SYCP2L: variants seen among roughly 807,000 people sequenced by gnomAD.
SYCP2L encodes synaptonemal complex protein 2-like.
Under a neutral mutation model 125.8 loss-of-function variants are expected in SYCP2L, and 98 were observed. That is an observed-to-expected ratio of 0.78 (90% confidence interval 0.66 to 0.92). The LOEUF (loss-of-function observed/expected upper bound fraction) is 0.92, where lower values mean the gene tolerates loss of function less well. Ranked by LOEUF, SYCP2L falls within the 40% of genes least tolerant of loss-of-function variation. The pLI is 0.00. For synonymous variants in SYCP2L, 317 were observed against 325.4 expected, an observed-to-expected ratio of 0.97 and a Z score of 0.28; for missense variants, 842 against 936.4, an observed-to-expected ratio of 0.90 and a Z score of 1.32.
At chr6:10,962,291 T>G (rs946931283) in intron 28 of SYCP2L, among the ~76,000 whole-genome samples, 6 of 151,222 alleles carry the variant, frequency 4.0e-5, no homozygotes. Flanking sequence ...TATATTCCTA[T>G]GCATATATTC....
chr6:10,911,988 G>A (rs1385114688), intron 12 of SYCP2L, among the ~76,000 whole-genome samples: 6 of 125,744 alleles, frequency 4.8e-5, no homozygotes, highest in East Asian at 5.0e-4. Flanking sequence ...TGCCAACTCC[G>A]CCTCCCGGGT....
chr6:10,923,877 G>C (rs540161186), intron 14 of SYCP2L, among the ~76,000 whole-genome samples: 16 of 151,110 alleles, frequency 1.1e-4, no homozygotes, highest in African/African-American at 3.9e-4. Context: ...GCAGAGACAG[G>C]GTTTCACCGT....
At chr6:10,920,647 G>T (rs559406166) in intron 14 of SYCP2L, among the ~76,000 whole-genome samples, 1 of 152,084 alleles carries the variant, frequency 6.6e-6, no homozygotes, top group Non-Finnish European at 1.5e-5. Context: ...AAGTTCATGG[G>T]TACATGTGCA....
intron 14 of SYCP2L, among the ~76,000 whole-genome samples, chr6:10,919,382 G>A (rs556526004): frequency 6.6e-6 from 1 of 151,956 alleles, no homozygotes; most frequent in Non-Finnish European, 1.5e-5. Context: ...ACTAGGCTCC[G>A]GGCTGGTACT....
intron 29 of SYCP2L, among the ~76,000 whole-genome samples, chr6:10,964,340 T>C (rs1303755156): frequency 6.6e-6 from 1 of 152,178 alleles, no homozygotes; most frequent in East Asian, 1.9e-4. Flanking sequence ...TGTTTATAAC[T>C]GAATGCTTAC....
intron 18 of SYCP2L, among the ~76,000 whole-genome samples, 190 bp downstream of exon 18, chr6:10,928,640 G>A (rs1780939372): frequency 6.6e-6 from 1 of 152,232 alleles, no homozygotes; most frequent in Non-Finnish European, 1.5e-5. Flanking sequence ...CCAGGCTCAT[G>A]TGATCCTCCC....
At chr6:10,951,447 C>T (rs925672688) in intron 23 of SYCP2L, among the ~76,000 whole-genome samples, 14 of 152,026 alleles carry the variant, frequency 9.2e-5, no homozygotes, top group African/African-American at 3.4e-4. Flanking sequence ...AAAAGAAAAC[C>T]CAACATTTAA....
chr6:10,926,281 A>ATTTT, intron 15 of SYCP2L, 58 bp from the exon 16 acceptor site: 1 of 995,874 alleles, frequency 1.0e-6, no homozygotes, highest in Non-Finnish European at 1.4e-6. Context: ...TTTTCCTTAA[A>ATTTT]TTTTTTTTTT....
At chr6:10,958,653 A>G in intron 25 of SYCP2L, 131 bp from the exon 26 acceptor site, 1 of 788,208 alleles carries the variant, frequency 1.3e-6, no homozygotes, top group South Asian at 1.8e-5. Context: ...ATGCCTGATC[A>G]CACTTGCTTA....
intron 20 of SYCP2L, among the ~76,000 whole-genome samples, 191 bp from the exon 21 acceptor site, chr6:10,934,867 A>G (rs1013903417): frequency 6.6e-6 from 1 of 152,172 alleles, no homozygotes; most frequent in Non-Finnish European, 1.5e-5. Context: ...ATTCAGTACC[A>G]TGGCATTAAG....
intron 28 of SYCP2L, among the ~76,000 whole-genome samples, chr6:10,962,121 C>T (rs552882726): frequency 3.8e-4 from 58 of 152,130 alleles, no homozygotes; most frequent in African/African-American, 1.4e-3. Context: ...TTCTGCCCTG[C>T]GGGAAAATTC....
At chr6:10,905,553 A>G (rs144773780) in intron 8 of SYCP2L, among the ~76,000 whole-genome samples, 1 of 152,116 alleles carries the variant, frequency 6.6e-6, no homozygotes, top group Non-Finnish European at 1.5e-5. Context: ...CGGCCTCCCA[A>G]ACTGCTGGGA....
chr6:10,958,392 C>CA (rs1781541398), intron 25 of SYCP2L, among the ~76,000 whole-genome samples: 1 of 152,066 alleles, frequency 6.6e-6, no homozygotes, highest in Non-Finnish European at 1.5e-5. Flanking sequence ...AGGTGCCACA[C>CA]ACTTTCAAAC....
chr6:10,949,401 A>G (rs963226500), intron 23 of SYCP2L, among the ~76,000 whole-genome samples: 4 of 152,210 alleles, frequency 2.6e-5, no homozygotes, highest in Non-Finnish European at 1.5e-5. Flanking sequence ...GTTTCCAAGC[A>G]TATGGGATAC....
intron 21 of SYCP2L, among the ~76,000 whole-genome samples, chr6:10,938,483 C>T (rs1781147137): frequency 6.6e-6 from 1 of 152,134 alleles, no homozygotes; most frequent in African/African-American, 2.4e-5. Flanking sequence ...AGCTTTTCCT[C>T]TAAGATCAGG....
chr6:10,891,608 TCTCTC>T lies in SYCP2L; in HGVS notation c.78+28_78+32del. Reference sequence around the variant, plus strand: ...TAAAGATCAAGTTTCTTTTATAATCTCTCTCTGTGTGTGTGTGTGTGTGTGTGTGT... The same window carrying T: ...TAAAGATCAAGTTTCTTTTATAATCTTGTGTGTGTGTGTGTGTGTGTGTGT... On this transcript the variant is annotated intron_variant, in intron 2 of 29. Transcript: ENST00000283141. 2 of 459,060 alleles carry T rather than the reference TCTCTC, an allele frequency of 4.4e-6. 1 individual carries two copies. The highest frequency in any genetic ancestry group is 7.3e-6 in the Non-Finnish European group (2 of 275,674). The allele number at this position is 459,060 out of a possible 1,614,324, so 28.4% of individuals were successfully genotyped here. A position where few individuals can be genotyped will look rare whatever the true frequency, so the allele number is the denominator to read the frequency against.
Position 10,924,506 on chromosome 6 carries a change from G to T in SYCP2L, c.1083G>T (p.Lys361Asn). The change falls in exon 15 of 30, where the codon AAG becomes AAT. Residue 361 changes from lysine to asparagine, a missense_variant. By Grantham distance (94) the Lys-to-Asn change is moderately conservative. Coordinates refer to ENST00000283141, the MANE Select transcript of SYCP2L (RefSeq NM_001040274.3). ...VMNFSITETE[K>N]IKIFIIYLKK... Reference sequence around the variant, plus strand: ...CATATTTTCTCTTAGAAACGGAGAAGATAAAGATATTTATCATTTACCTGA... The same window carrying T: ...CATATTTTCTCTTAGAAACGGAGAATATAAAGATATTTATCATTTACCTGA... The T allele has an allele frequency of 1.3e-6, 2 of 1,578,546 alleles. No individual in the cohort carries two copies. The highest frequency in any genetic ancestry group is 1.7e-6 in the Non-Finnish European group (2 of 1,169,010).
At chr6:10,953,511 C>T (rs190954530) in intron 23 of SYCP2L, among the ~76,000 whole-genome samples, 3 of 152,288 alleles carry the variant, frequency 2.0e-5, no homozygotes, top group East Asian at 3.9e-4. Flanking sequence ...CCTCTACCCT[C>T]ACCACTAGGA....
rs543796565 is a variant in SYCP2L at position 10,907,450 on chromosome 6, A to G, written c.677-92A>G. On this transcript the variant is annotated intron_variant, in intron 9 of 29. Coordinates refer to ENST00000283141, the MANE Select transcript of SYCP2L (RefSeq NM_001040274.3). ...ACACAATGCTAGGCTTCTCAGATGG[A>G]GTTTCTTAGAGCAAGTGCTAAATCT... is the stretch of plus-strand genomic sequence containing the variant. 2.5e-5 allele frequency: 30 copies of G among 1,189,786 alleles called. No homozygotes were observed. In the South Asian group the frequency reaches 5.0e-4, roughly 20 times the overall value. 73.7% of individuals were successfully genotyped at this position (1,189,786 alleles called of 1,614,324 possible).
Sources: allele counts gnomAD v4.1 joint callset (sites outside exome capture counted in the v4.1 genomes callset), GRCh38; gene constraint gnomAD v4.1.1; transcripts MANE v1.5; gene names NCBI Gene and HGNC (gene_info 2026-07-23, HGNC 2026-07-21).